ALG6: variants seen among roughly 807,000 people sequenced by gnomAD.
The protein encoded by ALG6 is dolichyl pyrophosphate Man9GlcNAc2 alpha-1,3-glucosyltransferase.
ALG6 carries 46 observed loss-of-function variants against 66.6 expected under a neutral mutation model. The observed-to-expected ratio is 0.69, with a 90% CI of 0.55 to 0.88. ALG6 has a LOEUF of 0.88. Ranked by LOEUF, ALG6 falls within the 40% of genes least tolerant of loss-of-function variation. The probability of loss-of-function intolerance (pLI) is 0.00; values close to 1 mark genes in which losing one functional copy is unlikely to be tolerated. For synonymous variants in ALG6, 185 were observed against 203.7 expected, an observed-to-expected ratio of 0.91 and a Z score of 0.78; for missense variants, 505 against 586.8, an observed-to-expected ratio of 0.86 and a Z score of 1.44.
intron 2 of ALG6, among the ~76,000 whole-genome samples, chr1:63,378,536 A>C (rs556547455): frequency 1.9e-4 from 29 of 152,272 alleles, no homozygotes; most frequent in African/African-American, 6.7e-4. Flanking sequence ...CTGATTAGAT[A>C]TATGTTGGAT....
chr1:63,380,264 C>T (rs1009579644), intron 2 of ALG6, among the ~76,000 whole-genome samples: 41 of 152,124 alleles, frequency 2.7e-4, no homozygotes, highest in Admixed American at 3.9e-4. Context: ...ACCATGTGAA[C>T]CTCCTGGTTG....
chr1:63,376,856 TGATA>T lies in ALG6; in HGVS notation c.82+5798_82+5801del, dbSNP rs527988483. Among the ~76,000 whole-genome samples the T allele has an allele frequency of 3.4e-3, 515 of 152,320 alleles. 3 individuals are homozygous for T. The highest frequency in any genetic ancestry group is 5.1e-3 in the Non-Finnish European group (346 of 68,028). On this transcript the variant is annotated intron_variant, in intron 2 of 14. Transcript: ENST00000263440. ...ATACAATCGTTTTTTATATTCTTACTGATATTTTACCAATTGATCTACCAGTTAT... is the reference window on the plus strand; with the variant it reads ...ATACAATCGTTTTTTATATTCTTACTTTTTACCAATTGATCTACCAGTTAT...
At chr1:63,396,771 C>G (rs1453960022) in intron 3 of ALG6, among the ~76,000 whole-genome samples, 174 bp downstream of exon 3, 1 of 152,102 alleles carries the variant, frequency 6.6e-6, no homozygotes, top group Non-Finnish European at 1.5e-5. Context: ...ATTTGATAGT[C>G]CTGAAAGTTA....
intron 12 of ALG6, among the ~76,000 whole-genome samples, chr1:63,424,927 C>T (rs1644607285): frequency 6.6e-6 from 1 of 151,740 alleles, no homozygotes; most frequent in Admixed American, 6.6e-5. Context: ...TATAGTTGCC[C>T]GCCACAACAG....
intron 3 of ALG6, among the ~76,000 whole-genome samples, chr1:63,399,612 T>A (rs1644434628): frequency 6.6e-6 from 1 of 152,260 alleles, no homozygotes; most frequent in Non-Finnish European, 1.5e-5. Context: ...TACATTTTGA[T>A]GTATGTAAGT....
chr1:63,378,639 C>G (rs1157498883), intron 2 of ALG6, among the ~76,000 whole-genome samples: 1 of 152,162 alleles, frequency 6.6e-6, no homozygotes, highest in South Asian at 2.1e-4. Context: ...ATAATCTCTT[C>G]CCCTCATTGA....
At chr1:63,404,264 A>T (rs1644479862) in intron 4 of ALG6, among the ~76,000 whole-genome samples, 189 bp from the exon 5 acceptor site, 1 of 152,206 alleles carries the variant, frequency 6.6e-6, no homozygotes, top group Non-Finnish European at 1.5e-5. Context: ...AGCAATGTAG[A>T]TGCTGTTTTA....
intron 2 of ALG6, among the ~76,000 whole-genome samples, chr1:63,381,123 C>T (rs1220328588): frequency 6.6e-6 from 1 of 151,840 alleles, no homozygotes; most frequent in Non-Finnish European, 1.5e-5. Flanking sequence ...AGTTTGAGTC[C>T]AGCCTGGGCA....
intron 14 of ALG6, among the ~76,000 whole-genome samples, chr1:63,431,949 A>G (rs1644648132): frequency 6.6e-6 from 1 of 152,166 alleles, no homozygotes; most frequent in Non-Finnish European, 1.5e-5. Context: ...TCTGCAAACC[A>G]TGAGTTTTAC....
At chr1:63,417,475 C>T (rs187180308) in intron 11 of ALG6, among the ~76,000 whole-genome samples, 2 of 152,168 alleles carry the variant, frequency 1.3e-5, no homozygotes, top group Non-Finnish European at 2.9e-5. Context: ...TTTTGTTAAT[C>T]ATGCTTTGAA....
intron 2 of ALG6, among the ~76,000 whole-genome samples, chr1:63,378,061 C>T (rs900659793): frequency 1.3e-5 from 2 of 152,060 alleles, no homozygotes; most frequent in African/African-American, 4.8e-5. Context: ...TTAGTTTTAC[C>T]CTTGTGTTTA....
chr1:63,396,203 G>A (rs902521304), intron 2 of ALG6, among the ~76,000 whole-genome samples: 5 of 152,252 alleles, frequency 3.3e-5, no homozygotes, highest in South Asian at 4.1e-4. Context: ...TTTACCATGT[G>A]CCAGGCACTA....
At chr1:63,392,028 T>TC (rs1648687263) in intron 2 of ALG6, among the ~76,000 whole-genome samples, 1 of 152,152 alleles carries the variant, frequency 6.6e-6, no homozygotes, top group African/African-American at 2.4e-5. Flanking sequence ...ACTTTTTTTT[T>TC]CCCCAAAGCT....
intron 7 of ALG6, among the ~76,000 whole-genome samples, chr1:63,409,084 G>A (rs956966080): frequency 6.6e-6 from 1 of 152,064 alleles, no homozygotes; most frequent in Non-Finnish European, 1.5e-5. Context: ...CTAGCTCTAA[G>A]GACACATTTT....
chr1:63,400,223 GTA>G lies in ALG6; in HGVS notation c.168-2012_168-2011del, dbSNP rs1192053870. On this transcript the variant is annotated intron_variant, in intron 3 of 14. Transcript: ENST00000263440. ...AAAAAAAAAATATATATATATATAC[GTA>G]TATATATATATATATATACGTATAT... is the stretch of plus-strand genomic sequence containing the variant. 2.3e-3 allele frequency among the ~76,000 whole-genome samples: 14 copies of G among 6,136 alleles called. 5 individuals carry two copies. The highest frequency in any genetic ancestry group is 0.012 in the African/African-American group (7 of 588). The allele number at this position is 6,136 out of a possible 152,430, so 4.0% of individuals were successfully genotyped here. A position where few individuals can be genotyped will look rare whatever the true frequency, so the allele number is the denominator to read the frequency against.
intron 1 of ALG6, among the ~76,000 whole-genome samples, chr1:63,369,499 G>A (rs1647837523): frequency 6.6e-6 from 1 of 151,806 alleles, no homozygotes. Flanking sequence ...CGTGGTGGTG[G>A]GTGCCTGTAA....
chr1:63,386,394 A>G (rs1648505063), intron 2 of ALG6, among the ~76,000 whole-genome samples: 1 of 151,512 alleles, frequency 6.6e-6, no homozygotes, highest in South Asian at 2.1e-4. Context: ...TGATATTAGG[A>G]TTTTTCTTTA....
chr1:63,392,786 C>T (rs528803538), intron 2 of ALG6, among the ~76,000 whole-genome samples: 82 of 152,132 alleles, frequency 5.4e-4, no homozygotes, highest in Non-Finnish European at 9.6e-4. Context: ...TTGCCCTTCC[C>T]AAGTGAAGCT....
intron 3 of ALG6, 28 bp from the exon 4 acceptor site, chr1:63,402,226 G>A: frequency 7.6e-7 from 1 of 1,313,826 alleles, no homozygotes; most frequent in Non-Finnish European, 1.1e-6. Context: ...TTAACGGAAT[G>A]GTGCTTTCTT....
Sources: allele counts gnomAD v4.1 joint callset (sites outside exome capture counted in the v4.1 genomes callset), GRCh38; gene constraint gnomAD v4.1.1; transcripts MANE v1.5; gene names NCBI Gene and HGNC (gene_info 2026-07-23, HGNC 2026-07-21).